HDAC8: variants seen among roughly 807,000 people sequenced by gnomAD.
HDAC8 encodes histone deacetylase 8.
HDAC8 carries 1 observed loss-of-function variant against 32.2 expected under a neutral mutation model. The ratio of observed to expected loss-of-function variants is 0.03; its 90% CI spans 0.01 to 0.15. HDAC8 has a LOEUF of 0.15. HDAC8 is among the 10% of genes least tolerant of loss of function. The probability of loss-of-function intolerance (pLI) is 1.00; values close to 1 mark genes in which losing one functional copy is unlikely to be tolerated. For synonymous variants in HDAC8, 108 were observed against 113.9 expected, an observed-to-expected ratio of 0.95 and a Z score of 0.33; for missense variants, 117 against 300.0, an observed-to-expected ratio of 0.39 and a Z score of 4.51.
intron 4 of HDAC8, among the ~76,000 whole-genome samples, chrX:72,513,786 G>A (rs185506384): frequency 1.9e-4 from 21 of 111,822 alleles, no homozygotes; most frequent in Non-Finnish European, 1.7e-4. Flanking sequence ...CACTGGAACA[G>A]ATTATTTTAA....
chrX:72,422,758 T>C (rs2046528393), intron 9 of HDAC8, among the ~76,000 whole-genome samples: 1 of 111,631 alleles, frequency 9.0e-6, no homozygotes, highest in South Asian at 3.8e-4. Flanking sequence ...GCCTGGTAAT[T>C]TTCTGGCTTG....
intron 10 of HDAC8, among the ~76,000 whole-genome samples, chrX:72,346,428 C>T (rs951718180): frequency 1.8e-5 from 2 of 112,329 alleles, no homozygotes; most frequent in Admixed American, 9.4e-5. Context: ...TCCCACCATG[C>T]AGGAGCACTG....
intron 4 of HDAC8, among the ~76,000 whole-genome samples, chrX:72,532,555 G>A (rs1345405564): frequency 9.7e-6 from 1 of 103,330 alleles, no homozygotes. Flanking sequence ...ATCATAGCAC[G>A]CTGTAACCTC....
intron 9 of HDAC8, among the ~76,000 whole-genome samples, chrX:72,407,232 G>C (rs1366499257): frequency 3.6e-5 from 4 of 112,636 alleles, no homozygotes; most frequent in South Asian, 7.4e-4. Context: ...AGACAGCCAG[G>C]TGAGAAGGGG....
intron 10 of HDAC8, among the ~76,000 whole-genome samples, chrX:72,337,430 CT>C (rs1316442871): frequency 1.4e-4 from 16 of 110,404 alleles, no homozygotes; most frequent in East Asian, 1.4e-3. Context: ...TCCTCTTGTG[CT>C]TTTTTTTTCC....
intron 9 of HDAC8, among the ~76,000 whole-genome samples, chrX:72,368,534 T>G (rs2044771414): frequency 9.0e-6 from 1 of 111,034 alleles, no homozygotes; most frequent in African/African-American, 3.3e-5. Flanking sequence ...TTTTTGTATT[T>G]TTAGTAGAGA....
At chrX:72,450,380 A>G (rs1228678324) in intron 9 of HDAC8, among the ~76,000 whole-genome samples, 3 of 112,123 alleles carry the variant, frequency 2.7e-5, no homozygotes, top group Middle Eastern at 4.6e-3. Context: ...AAAATTGCCT[A>G]TGCACACACA....
chrX:72,493,207 GAGACATGTCATGAATAGTT>G (rs1319526614), intron 5 of HDAC8, among the ~76,000 whole-genome samples: 2 of 111,375 alleles, frequency 1.8e-5, no homozygotes, highest in African/African-American at 6.5e-5. Flanking sequence ...CATGAATAGT[GAGACATGTCATGAATAGTT>G]AGACATGCTC....
Position 72,536,238 on chromosome X carries a change from A to G in HDAC8, c.437+31651T>C, listed in dbSNP as rs532369383. ...AACTGCATTATTTCCTCTATCAAAGAAGGAGACTGGAAAAAACAGAAATCT... is the reference window on the plus strand; with the variant it reads ...AACTGCATTATTTCCTCTATCAAAGGAGGAGACTGGAAAAAACAGAAATCT... On this transcript the variant is annotated intron_variant, in intron 4 of 10. Coordinates refer to ENST00000373573, the MANE Select transcript of HDAC8 (RefSeq NM_018486.3). 1.2e-4 allele frequency among the ~76,000 whole-genome samples: 13 copies of G among 111,712 alleles called. No homozygotes were observed. The South Asian group carries it at 3.4e-3, about 29-fold the overall frequency.
chrX:72,335,344 T>G (rs924844454), intron 10 of HDAC8, among the ~76,000 whole-genome samples: 5 of 112,260 alleles, frequency 4.5e-5, no homozygotes, highest in Non-Finnish European at 9.4e-5. Flanking sequence ...TTCCATGGAC[T>G]CATCCCTCCC....
intron 10 of HDAC8, among the ~76,000 whole-genome samples, chrX:72,332,106 T>C (rs2043541249): frequency 8.9e-6 from 1 of 112,693 alleles, no homozygotes; most frequent in Admixed American, 9.4e-5. Context: ...TTGTGGTGTG[T>C]ATCAAGTTTG....
intron 4 of HDAC8, among the ~76,000 whole-genome samples, chrX:72,559,439 G>A (rs1313515694): frequency 9.0e-6 from 1 of 111,159 alleles, no homozygotes; most frequent in African/African-American, 3.3e-5. Context: ...CCTCCCAGCC[G>A]CCTGCCTTGG....
At chrX:72,522,133 C>T (rs1334430690) in intron 4 of HDAC8, among the ~76,000 whole-genome samples, 1 of 112,025 alleles carries the variant, frequency 8.9e-6, no homozygotes, top group Non-Finnish European at 1.9e-5. Flanking sequence ...CTCTCTGACA[C>T]CTGGGGTAAG....
At chrX:72,489,339 G>A (rs1268186935) in intron 6 of HDAC8, 5 of 354,735 alleles carry the variant, frequency 1.4e-5, no homozygotes, top group African/African-American at 5.2e-5. Context: ...GTTAGGAGTT[G>A]CATGGGGTGT....
chrX:72,454,415 A>C (rs1002359036), intron 9 of HDAC8, among the ~76,000 whole-genome samples: 1 of 112,169 alleles, frequency 8.9e-6, no homozygotes, highest in Non-Finnish European at 1.9e-5. Flanking sequence ...AAAAAGATGA[A>C]ACTGAAACAT....
intron 4 of HDAC8, among the ~76,000 whole-genome samples, chrX:72,534,972 T>C (rs1285706312): frequency 2.7e-5 from 3 of 112,158 alleles, no homozygotes; most frequent in Non-Finnish European, 5.6e-5. Context: ...CTTCTGTAAA[T>C]TTCCATGGTT....
intron 4 of HDAC8, among the ~76,000 whole-genome samples, chrX:72,508,564 C>T (rs781846897): frequency 8.0e-5 from 9 of 112,533 alleles, no homozygotes; most frequent in African/African-American, 2.9e-4. Context: ...ACCAATATAA[C>T]AGTATGAAGA....
Position 72,445,990 on chromosome X carries a change from A to C in HDAC8, c.1005+16014T>G, listed in dbSNP as rs2047378602. On this transcript the variant is annotated intron_variant, in intron 9 of 10. Transcript: ENST00000373573. ...CAAATCAAAACCACAATGAGATACA[A>C]TCTCACACCAGTTAGAATGGCGATC... is the stretch of plus-strand genomic sequence containing the variant. 7.1e-5 allele frequency among the ~76,000 whole-genome samples: 8 copies of C among 112,302 alleles called. No individual in the cohort carries two copies. In the South Asian group the frequency reaches 3.0e-3, roughly 42 times the overall value.
At chrX:72,462,322 C>T (rs1338376625) in intron 8 of HDAC8, 1 of 329,476 alleles carries the variant, frequency 3.0e-6, no homozygotes, top group Non-Finnish European at 5.3e-6. Context: ...CCAAGGTCTG[C>T]AAAGATTAAA....
Sources: gnomAD v4.1 joint callset for allele counts (sites outside exome capture counted in the v4.1 genomes callset) on GRCh38, gnomAD v4.1.1 for gene constraint, MANE v1.5 for transcripts, NCBI Gene and HGNC (gene_info 2026-07-23, HGNC 2026-07-21) for gene names.